The following LRRC7 variants were observed in gnomAD, a reference collection of about 807,000 sequenced individuals.
The protein encoded by LRRC7 is leucine rich repeat containing 7, also known as leucine-rich repeat-containing protein 7.
Under a neutral mutation model 175.7 loss-of-function variants are expected in LRRC7, and 23 were observed. That is an observed-to-expected ratio of 0.13 (90% CI 0.09 to 0.19). LRRC7 has a LOEUF of 0.19. Among genes scored for constraint, LRRC7 ranks in the 10% least tolerant of loss-of-function variants. LRRC7 has a pLI of 1.00. For missense variants in LRRC7, 1,354 were observed against 1,904.7 expected, an observed-to-expected ratio of 0.71 and a Z score of 5.38; for synonymous variants, 685 against 680.9, an observed-to-expected ratio of 1.01 and a Z score of -0.09.
chr1:69,828,698 T>G (rs1012380236), intron 5 of LRRC7, among the ~76,000 whole-genome samples: 3 of 152,050 alleles, frequency 2.0e-5, no homozygotes, highest in Non-Finnish European at 4.4e-5. Flanking sequence ...CACTTTTATC[T>G]TTATTTTCCA....
intron 1 of LRRC7, among the ~76,000 whole-genome samples, chr1:69,618,009 A>G (rs1016273646): frequency 1.3e-5 from 2 of 152,164 alleles, no homozygotes; most frequent in African/African-American, 4.8e-5. Context: ...ACACTGGCCC[A>G]TAACAATTAT....
At chr1:69,710,458 G>T (rs1443103248) in intron 2 of LRRC7, among the ~76,000 whole-genome samples, 1 of 152,010 alleles carries the variant, frequency 6.6e-6, no homozygotes, top group Non-Finnish European at 1.5e-5. Flanking sequence ...TCCCTGTAGG[G>T]TTTACAGATT....
rs553286309 is a variant in LRRC7, at chr1:69,828,961, C to T, written c.500+3135C>T. Among the ~76,000 whole-genome samples, 127 of 152,012 alleles carry T rather than the reference C, an allele frequency of 8.4e-4. 1 individual carries two copies. The highest frequency in any genetic ancestry group is 3.0e-3 in the African/African-American group (124 of 41,534). On this transcript the variant is annotated intron_variant, in intron 5 of 26. Transcript: ENST00000651989. ...AATGTTGAAATAAGGGTGACTGAAA[C>T]TGATCTTAATTTGCCTATTCCAATA...
intron 23 of LRRC7, among the ~76,000 whole-genome samples, chr1:70,071,035 C>G (rs2102114685): frequency 1.3e-5 from 2 of 152,282 alleles, no homozygotes; most frequent in South Asian, 4.1e-4. Flanking sequence ...GAAGTCTGGG[C>G]TCAACACTTG....
chr1:69,601,683 T>C (rs1647079060), intron 1 of LRRC7, among the ~76,000 whole-genome samples: 1 of 152,168 alleles, frequency 6.6e-6, no homozygotes, highest in South Asian at 2.1e-4. Flanking sequence ...TTAAAACAAA[T>C]ATCAATATAT....
intron 7 of LRRC7, chr1:69,919,276 TTTG>T: frequency 2.0e-6 from 1 of 495,430 alleles, no homozygotes; most frequent in South Asian, 2.7e-5. Flanking sequence ...GCCAAATGTA[TTTG>T]CTAGATACAT....
At chr1:70,118,489 G>C (rs1170668641) in intron 26 of LRRC7, among the ~76,000 whole-genome samples, 2 of 152,136 alleles carry the variant, frequency 1.3e-5, no homozygotes, top group African/African-American at 4.8e-5. Flanking sequence ...GTAAAGAGCA[G>C]AATTATCTTT....
intron 8 of LRRC7, among the ~76,000 whole-genome samples, chr1:69,961,212 C>T (rs1048876246): frequency 6.6e-6 from 1 of 152,032 alleles, no homozygotes; most frequent in African/African-American, 2.4e-5. Context: ...AGTCAAATTA[C>T]AAATGAGCTC....
At chr1:69,873,065 T>C (rs1473035277) in intron 7 of LRRC7, among the ~76,000 whole-genome samples, 1 of 152,164 alleles carries the variant, frequency 6.6e-6, no homozygotes, top group Non-Finnish European at 1.5e-5. Flanking sequence ...TTAAACAGTA[T>C]GCGTTAATCA....
intron 7 of LRRC7, among the ~76,000 whole-genome samples, chr1:69,903,330 G>A (rs1052786205): frequency 6.6e-6 from 1 of 152,204 alleles, no homozygotes; most frequent in Non-Finnish European, 1.5e-5. Flanking sequence ...CAGAGGGCGA[G>A]CGGAAGCAGG....
At chr1:69,905,932 T>A (rs1045186758) in intron 7 of LRRC7, among the ~76,000 whole-genome samples, 3 of 152,280 alleles carry the variant, frequency 2.0e-5, no homozygotes, top group Admixed American at 6.5e-5. Context: ...GTTTCCTGAC[T>A]TTTTAATGAT....
intron 1 of LRRC7, among the ~76,000 whole-genome samples, chr1:69,634,603 C>T (rs147132060): frequency 1.2e-4 from 19 of 152,222 alleles, no homozygotes; most frequent in Non-Finnish European, 1.9e-4. Flanking sequence ...GATGCTCACT[C>T]TGTCAACCTA....
At position 70,132,020 on chromosome 1, in the gene LRRC7, A is replaced by C. The variant is rs779515784; in HGVS notation, c.*10133A>C. Among the ~76,000 whole-genome samples, 5 of 152,100 alleles carry C rather than the reference A, an allele frequency of 3.3e-5. No individual in the cohort carries two copies. Among genetic ancestry groups the C allele is most frequent in the Non-Finnish European group, 1.5e-5 (1 of 68,002 alleles). On this transcript the variant is annotated 3_prime_UTR_variant, in exon 27 of 27. Coordinates refer to ENST00000651989, the MANE Select transcript of LRRC7 (RefSeq NM_001370785.2). ...GAAAGAGGGGAATTAATAAGTTATT[A>C]AGGAAGAAAGAATGAGAAAGACAAA...
intron 4 of LRRC7, among the ~76,000 whole-genome samples, chr1:69,822,595 G>A (rs770631305): frequency 5.3e-5 from 8 of 152,202 alleles, no homozygotes; most frequent in South Asian, 2.1e-4. Context: ...GCAAGAAAGA[G>A]GTAGGCCTCT....
At chr1:70,014,873 A>G (rs893064252) in intron 13 of LRRC7, among the ~76,000 whole-genome samples, 1 of 152,028 alleles carries the variant, frequency 6.6e-6, no homozygotes, top group Non-Finnish European at 1.5e-5. Flanking sequence ...AATCAAGGGT[A>G]TCTTGCCCTT....
Position 70,018,715 on chromosome 1 carries a change from C to T in LRRC7, c.1321-4C>T. 1.9e-6 allele frequency: 3 copies of T among 1,603,438 alleles called. No homozygotes were observed. Among genetic ancestry groups the T allele is most frequent in the South Asian group, 1.1e-5 (1 of 90,374 alleles). On this transcript the variant is annotated splice_polypyrimidine_tract_variant and splice_region_variant and intron_variant, in intron 14 of 26. Transcript: ENST00000651989. The stretch of plus-strand genomic sequence containing the variant: ...CATCTAATTTGTATGTTCTTTGCTT[C>T]TAGTCCAAAGCCCTTATCCCTTTAC...
intron 7 of LRRC7, among the ~76,000 whole-genome samples, chr1:69,875,795 TTATAAA>T (rs1452914605): frequency 6.6e-6 from 1 of 152,106 alleles, no homozygotes; most frequent in Non-Finnish European, 1.5e-5. Context: ...GAACTGTCTT[TTATAAA>T]TATATTCTAT....
At chr1:69,793,632 CT>C (rs141401955) in intron 4 of LRRC7, among the ~76,000 whole-genome samples, 9,733 of 149,318 alleles carry the variant, frequency 0.065, 341 homozygotes, top group South Asian at 0.11. Flanking sequence ...ACATTTTACT[CT>C]TTTTTTTTTC....
intron 8 of LRRC7, among the ~76,000 whole-genome samples, chr1:69,953,606 T>G (rs1448200806): frequency 6.6e-6 from 1 of 152,064 alleles, no homozygotes; most frequent in East Asian, 1.9e-4. Context: ...CATTTCCTGT[T>G]TTCCCTGAAA....
Sources: gnomAD v4.1 joint callset for allele counts (sites outside exome capture counted in the v4.1 genomes callset) on GRCh38, gnomAD v4.1.1 for gene constraint, MANE v1.5 for transcripts, NCBI Gene and HGNC (gene_info 2026-07-23, HGNC 2026-07-21) for gene names.